The following USP34 variants were observed in gnomAD, a reference collection of about 807,000 sequenced individuals.
USP34 encodes ubiquitin specific peptidase 34.
In USP34, 70 loss-of-function variants were observed where a neutral mutation model predicts 460.3. The observed-to-expected ratio is 0.15, with a 90% CI of 0.13 to 0.19. USP34 has a LOEUF of 0.19. USP34 is among the 10% of genes least tolerant of loss of function. The pLI, the probability that USP34 is intolerant of heterozygous loss-of-function variation, is 1.00. For missense variants in USP34, 3,985 were observed against 4,236.2 expected (o/e 0.94, Z 1.65); for synonymous variants, 1,647 against 1,405.3 (o/e 1.17, Z -3.85).
At chr2:61,433,609 G>A (rs1317576833) in intron 1 of USP34, among the ~76,000 whole-genome samples, 1 of 152,096 alleles carries the variant, frequency 6.6e-6, no homozygotes, top group Admixed American at 6.6e-5. Flanking sequence ...ACTCCAGCCT[G>A]GGCAACAGAG....
intron 18 of USP34, among the ~76,000 whole-genome samples, chr2:61,338,815 C>CA (rs927220999): frequency 1.3e-5 from 2 of 151,786 alleles, no homozygotes; most frequent in African/African-American, 2.4e-5. Flanking sequence ...AACCAAAAAA[C>CA]AAAAAAAGAC....
intron 1 of USP34, among the ~76,000 whole-genome samples, chr2:61,445,002 G>C (rs1039722733): frequency 6.6e-6 from 1 of 151,420 alleles, no homozygotes; most frequent in Non-Finnish European, 1.5e-5. Context: ...TGATTTCTCT[G>C]TATAAACAAT....
intron 62 of USP34, among the ~76,000 whole-genome samples, chr2:61,223,987 C>T (rs1401061136): frequency 6.6e-6 from 1 of 152,130 alleles, no homozygotes; most frequent in African/African-American, 2.4e-5. Context: ...AAATTCCAGG[C>T]ATTTTATCAT....
intron 1 of USP34, among the ~76,000 whole-genome samples, chr2:61,461,222 C>T (rs1188985479): frequency 6.6e-6 from 1 of 151,584 alleles, no homozygotes; most frequent in Non-Finnish European, 1.5e-5. Context: ...GAAACCCTGT[C>T]TCTACTAAAA....
At chr2:61,463,630 T>G (rs1257986006) in intron 1 of USP34, among the ~76,000 whole-genome samples, 1 of 152,074 alleles carries the variant, frequency 6.6e-6, no homozygotes, top group Non-Finnish European at 1.5e-5. Flanking sequence ...GGTCAGGAAT[T>G]CAAGACCATC....
chr2:61,210,482 G>C (rs1303161355), intron 69 of USP34, among the ~76,000 whole-genome samples: 1 of 152,182 alleles, frequency 6.6e-6, no homozygotes, highest in Non-Finnish European at 1.5e-5. Context: ...CTACTATCTA[G>C]TTGTGTGTGA....
chr2:61,374,632 A>G (rs1692736474), intron 8 of USP34, among the ~76,000 whole-genome samples: 1 of 150,710 alleles, frequency 6.6e-6, no homozygotes. Context: ...TTTTTTTGAG[A>G]GACTACTTGC....
chr2:61,458,561 G>GA (rs35618719), intron 1 of USP34, among the ~76,000 whole-genome samples: 64,767 of 96,312 alleles, frequency 0.67, 19,700 homozygotes, highest in Middle Eastern at 0.7. Context: ...AACTGTCTCA[G>GA]AAAAAAAAAA....
intron 34 of USP34, among the ~76,000 whole-genome samples, chr2:61,285,881 A>T (rs1013839452): frequency 1.3e-5 from 2 of 152,152 alleles, no homozygotes; most frequent in African/African-American, 2.4e-5. Flanking sequence ...TTCCTCATAT[A>T]AGGGGAGAAA....
chr2:61,285,576 T>G (rs1689664369), intron 34 of USP34, among the ~76,000 whole-genome samples: 5 of 151,944 alleles, frequency 3.3e-5, no homozygotes, highest in Admixed American at 2.6e-4. Flanking sequence ...GTCTTTACAT[T>G]CGATTCATAG....
intron 2 of USP34, among the ~76,000 whole-genome samples, chr2:61,411,380 C>CAAAAAAAAAAAAAAAAAA (rs35518324): frequency 8.5e-6 from 1 of 118,084 alleles, no homozygotes; most frequent in Non-Finnish European, 1.8e-5. Context: ...GATCCTGTCT[C>CAAAAAAAAAAAAAAAAAA]AAAAAAAAAA....
intron 1 of USP34, among the ~76,000 whole-genome samples, chr2:61,457,736 C>T (rs1695479730): frequency 1.3e-5 from 2 of 152,058 alleles, no homozygotes; most frequent in African/African-American, 4.8e-5. Flanking sequence ...TCATGAGCAC[C>T]TGTAGTCCCA....
intron 8 of USP34, among the ~76,000 whole-genome samples, chr2:61,373,198 G>T (rs761659019): frequency 6.6e-6 from 1 of 151,936 alleles, no homozygotes; most frequent in East Asian, 1.9e-4. Flanking sequence ...CAATTAAAAT[G>T]TCACACTAGA....
chr2:61,215,297 C>G (rs1182025765), intron 67 of USP34, among the ~76,000 whole-genome samples: 1 of 152,006 alleles, frequency 6.6e-6, no homozygotes, highest in South Asian at 2.1e-4. Context: ...AAGGAAAGAA[C>G]TGGGTGTTAA....
chr2:61,261,213 C>T (rs1483607151), intron 43 of USP34, among the ~76,000 whole-genome samples: 2 of 152,102 alleles, frequency 1.3e-5, no homozygotes, highest in Non-Finnish European at 2.9e-5. Flanking sequence ...CACCCATGTC[C>T]GTAACAGCAT....
chr2:61,312,742 G>A (rs955847779), intron 25 of USP34, among the ~76,000 whole-genome samples: 2 of 152,078 alleles, frequency 1.3e-5, no homozygotes, highest in African/African-American at 4.8e-5. Flanking sequence ...AGAAGAATAG[G>A]GGTGAAGGAG....
intron 2 of USP34, among the ~76,000 whole-genome samples, chr2:61,417,688 A>C (rs1003536752): frequency 6.6e-6 from 1 of 150,390 alleles, no homozygotes; most frequent in Admixed American, 6.6e-5. Context: ...TCATTTAAAT[A>C]AGAAAAAATA....
intron 67 of USP34, among the ~76,000 whole-genome samples, chr2:61,215,850 C>T (rs1287098164): frequency 6.6e-6 from 1 of 152,194 alleles, no homozygotes; most frequent in African/African-American, 2.4e-5. Flanking sequence ...CTCAGGCTTA[C>T]AACAATGGGA....
chr2:61,189,316 A>G lies in USP34; in HGVS notation c.9874-247T>C, dbSNP rs149297304. Reference sequence around the variant, plus strand: ...TGAGATGGAGTCTTGTTCTTTGGCAAGGCTGGAGTGCAGTGGTGTAATCTC... The same window carrying G: ...TGAGATGGAGTCTTGTTCTTTGGCAGGGCTGGAGTGCAGTGGTGTAATCTC... On this transcript the variant is annotated intron_variant, in intron 78 of 79. Transcript: ENST00000398571. 1.3e-3 allele frequency: 449 copies of G among 358,168 alleles called. 3 individuals are homozygous for G. The highest frequency in any genetic ancestry group is 9.2e-3 in the African/African-American group (424 of 46,338). The allele number at this position is 358,168 out of a possible 1,614,324, so 22.2% of individuals were successfully genotyped here. A position where few individuals can be genotyped will look rare whatever the true frequency, so the allele number is the denominator to read the frequency against.
Sources: allele counts gnomAD v4.1 joint callset (sites outside exome capture counted in the v4.1 genomes callset), GRCh38; gene constraint gnomAD v4.1.1; transcripts MANE v1.5; gene names NCBI Gene and HGNC (gene_info 2026-07-23, HGNC 2026-07-21).